FAM240B: variants seen among roughly 807,000 people sequenced by gnomAD.
FAM240B encodes the protein family with sequence similarity 240 member B, also known as protein FAM240B.
In FAM240B at chr9:38,711,205, TG is replaced by T. The variant is rs1336471664; in HGVS notation, c.-3-7204del. 5.9e-5 allele frequency among the ~76,000 whole-genome samples: 9 copies of T among 152,226 alleles called. 1 individual carries two copies. The highest frequency in any genetic ancestry group is 4.6e-4 in the Admixed American group (7 of 15,280). ...AGTGCTCGCTGTGGCCAGTTTCAAG[TG>T]GGTCATGGTAAGGATAAACAAACAA... On this transcript the variant is annotated intron_variant, in intron 1 of 2. Transcript: ENST00000637493.
intron 1 of FAM240B, among the ~76,000 whole-genome samples, chr9:38,706,852 G>A (rs1268212792): frequency 6.6e-6 from 1 of 152,204 alleles, no homozygotes; most frequent in South Asian, 2.1e-4. Context: ...CATTGAAAGA[G>A]AAGCCACTAA....
chr9:38,706,686 C>T (rs1470478825), intron 1 of FAM240B, among the ~76,000 whole-genome samples: 2 of 152,158 alleles, frequency 1.3e-5, no homozygotes, highest in African/African-American at 2.4e-5. Flanking sequence ...GGAGCTGCGC[C>T]GTGGAGCCTC....
intron 1 of FAM240B, among the ~76,000 whole-genome samples, chr9:38,709,475 A>G (rs1188865911): frequency 6.6e-6 from 1 of 152,200 alleles, no homozygotes; most frequent in Non-Finnish European, 1.5e-5. Flanking sequence ...AAACCTAGGC[A>G]CTAACAGTGG....
At chr9:38,712,240 C>A (rs530165923) in intron 1 of FAM240B, among the ~76,000 whole-genome samples, 47 of 152,282 alleles carry the variant, frequency 3.1e-4, no homozygotes, top group African/African-American at 1.1e-3. Flanking sequence ...GAATTCACTG[C>A]AGTGACACCA....
intron 1 of FAM240B, among the ~76,000 whole-genome samples, chr9:38,706,597 G>A (rs1438246339): frequency 6.6e-6 from 1 of 152,148 alleles, no homozygotes; most frequent in Non-Finnish European, 1.5e-5. Flanking sequence ...GACATTGAGG[G>A]TCTGAGCGTG....
intron 1 of FAM240B, among the ~76,000 whole-genome samples, chr9:38,708,723 C>T (rs1169943331): frequency 6.6e-6 from 1 of 152,196 alleles, no homozygotes; most frequent in East Asian, 1.9e-4. Flanking sequence ...GTTCAGGGGA[C>T]TCACAATGCA....
intron 1 of FAM240B, among the ~76,000 whole-genome samples, chr9:38,718,581 A>G (rs1057053336): frequency 6.6e-6 from 1 of 152,234 alleles, no homozygotes; most frequent in Non-Finnish European, 1.5e-5. Flanking sequence ...ACCGTGCTGA[A>G]TTAATGAATT....
At chr9:38,706,319 C>T (rs1821189821) in intron 1 of FAM240B, among the ~76,000 whole-genome samples, 1 of 152,030 alleles carries the variant, frequency 6.6e-6, no homozygotes, top group Admixed American at 6.5e-5. Context: ...CTGTCAGGAC[C>T]TGGAGCCTGC....
In FAM240B at chr9:38,694,651, C is replaced by T; in HGVS notation, c.*125G>A. 1 of 395,938 alleles carries T rather than the reference C, an allele frequency of 2.5e-6. No individual in the cohort carries two copies. The highest frequency in any genetic ancestry group is 4.4e-6 in the Non-Finnish European group (1 of 224,848). The allele number at this position is 395,938 out of a possible 1,614,324, so 24.5% of individuals were successfully genotyped here. On this transcript the variant is annotated 3_prime_UTR_variant, in exon 3 of 3. Coordinates refer to ENST00000637493, the MANE Select transcript of FAM240B (RefSeq NM_001394922.1). ...TGGGGGAGGTTTCACATGTAAATCC[C>T]CTAGCAAATGGAAGCACAAATAGAG...
intron 1 of FAM240B, among the ~76,000 whole-genome samples, chr9:38,709,234 G>A (rs924357956): frequency 6.6e-6 from 1 of 152,092 alleles, no homozygotes; most frequent in Non-Finnish European, 1.5e-5. Context: ...AAGAACTTCT[G>A]TAAAAGAAAG....
In FAM240B at chr9:38,696,012, C is replaced by T. The variant is rs199937693; in HGVS notation, c.144-1143G>A. Among the ~76,000 whole-genome samples the T allele has an allele frequency of 4.6e-5, 7 of 152,258 alleles. No homozygotes were observed. The South Asian group carries it at 1.2e-3, about 27-fold the overall frequency. Reference sequence around the variant, plus strand: ...ATTCAAACAATGGGCTTGGAATCTGCTACAGTCTGAACGTGTGTGTTTCCC... The same window carrying T: ...ATTCAAACAATGGGCTTGGAATCTGTTACAGTCTGAACGTGTGTGTTTCCC... On this transcript the variant is annotated intron_variant, in intron 2 of 2. Coordinates refer to ENST00000637493, the MANE Select transcript of FAM240B (RefSeq NM_001394922.1).
chr9:38,694,641 A>G lies in FAM240B; in HGVS notation c.*135T>C, dbSNP rs1821045854. On this transcript the variant is annotated 3_prime_UTR_variant, in exon 3 of 3. Transcript: ENST00000637493. ...CCATTAGCACTGGGGGAGGTTTCACATGTAAATCCCCTAGCAAATGGAAGC... is the reference window on the plus strand; with the variant it reads ...CCATTAGCACTGGGGGAGGTTTCACGTGTAAATCCCCTAGCAAATGGAAGC... The G allele has an allele frequency of 2.5e-6, 1 of 395,656 alleles. No homozygotes were observed. Among genetic ancestry groups the G allele is most frequent in the East Asian group, 3.6e-5 (1 of 27,956 alleles). The allele number at this position is 395,656 out of a possible 1,614,324, so 24.5% of individuals were successfully genotyped here.
chr9:38,711,953 C>T (rs1232568059), intron 1 of FAM240B, among the ~76,000 whole-genome samples: 2 of 151,980 alleles, frequency 1.3e-5, no homozygotes, highest in Non-Finnish European at 2.9e-5. Flanking sequence ...TTTTAACTTC[C>T]CCTCCAAAAT....
intron 2 of FAM240B, among the ~76,000 whole-genome samples, chr9:38,698,736 A>G (rs62539018): frequency 0.052 from 7,910 of 152,308 alleles, 313 homozygotes; most frequent in Non-Finnish European, 0.086. Flanking sequence ...AAAAATAGGA[A>G]TCTGGGGTTC....
intron 2 of FAM240B, among the ~76,000 whole-genome samples, chr9:38,695,924 A>G (rs1821063706): frequency 6.6e-6 from 1 of 152,260 alleles, no homozygotes; most frequent in African/African-American, 2.4e-5. Flanking sequence ...CAAGGGGTTA[A>G]GGCTACTCAA....
At chr9:38,712,825 A>T (rs1821270333) in intron 1 of FAM240B, among the ~76,000 whole-genome samples, 2 of 150,154 alleles carry the variant, frequency 1.3e-5, no homozygotes, top group South Asian at 4.2e-4. Flanking sequence ...TCTAAGTCAC[A>T]GAATCAGTCA....
At chr9:38,704,439 A>G (rs953840405) in intron 1 of FAM240B, among the ~76,000 whole-genome samples, 1 of 152,126 alleles carries the variant, frequency 6.6e-6, no homozygotes, top group Non-Finnish European at 1.5e-5. Flanking sequence ...TCATTGATGT[A>G]TTTTTAAAAT....
intron 1 of FAM240B, among the ~76,000 whole-genome samples, chr9:38,706,540 A>C (rs1821191982): frequency 1.3e-5 from 2 of 152,162 alleles, no homozygotes; most frequent in South Asian, 4.1e-4. Flanking sequence ...TCAGTTATTC[A>C]AGTTAAATGA....
intron 2 of FAM240B, among the ~76,000 whole-genome samples, chr9:38,696,858 T>A (rs928849985): frequency 2.0e-5 from 3 of 152,228 alleles, no homozygotes; most frequent in African/African-American, 7.2e-5. Context: ...TATGACCTTC[T>A]ACTTTGATAT....
Sources: allele counts gnomAD v4.1 joint callset (sites outside exome capture counted in the v4.1 genomes callset), GRCh38; gene constraint gnomAD v4.1.1; transcripts MANE v1.5; gene names NCBI Gene and HGNC (gene_info 2026-07-23, HGNC 2026-07-21).